The following DDX19B variants were observed in gnomAD, a reference collection of about 807,000 sequenced individuals.
DDX19B encodes the protein DEAD-box helicase 19B, also known as ATP-dependent RNA helicase DDX19B.
DDX19B carries 27 observed loss-of-function variants against 58.1 expected under a neutral mutation model. That is an observed-to-expected ratio of 0.46 (90% CI 0.34 to 0.64). The LOEUF (loss-of-function observed/expected upper bound fraction) is 0.64, where lower values mean the gene tolerates loss of function less well. Among genes scored for constraint, DDX19B ranks in the 30% least tolerant of loss-of-function variants. The pLI, the probability that DDX19B is intolerant of heterozygous loss-of-function variation, is 0.01. For missense variants in DDX19B, 399 were observed against 596.5 expected (o/e 0.67, Z 3.45); for synonymous variants, 187 against 214.4 (o/e 0.87, Z 1.12).
At chr16:70,309,878 C>G (rs1028632756) in intron 1 of DDX19B, among the ~76,000 whole-genome samples, 1 of 149,112 alleles carries the variant, frequency 6.7e-6, no homozygotes, top group East Asian at 2.0e-4. Context: ...CAACAAACCA[C>G]CAATTAAAAC....
At chr16:70,290,391 C>T (rs1489655172), upstream of DDX19B, among the ~76,000 whole-genome samples, 1 of 151,958 alleles carries the variant, frequency 6.6e-6, no homozygotes, top group African/African-American at 2.4e-5. Flanking sequence ...CAAAATTAGC[C>T]GGGCGCGCAT....
rs1307650406 is a variant in DDX19B, at chr16:70,334,530, T to A, written c.*948T>A. 1 of 152,200 alleles carries A rather than the reference T, an allele frequency of 6.6e-6. No homozygotes were observed. The highest frequency in any genetic ancestry group is 2.4e-5 in the African/African-American group (1 of 41,468). The allele number at this position is 152,200 out of a possible 1,614,324, so 9.4% of individuals were successfully genotyped here. A position where few individuals can be genotyped will look rare whatever the true frequency, so the allele number is the denominator to read the frequency against. On this transcript the variant is annotated 3_prime_UTR_variant, in exon 12 of 12. Coordinates refer to ENST00000288071, the MANE Select transcript of DDX19B (RefSeq NM_007242.7). Reference sequence around the variant, plus strand: ...CAGTTCTAGATGTGATCAGCAGTAGTCACAAATTCTTGTTTTGTCTCCACA... The same window carrying A: ...CAGTTCTAGATGTGATCAGCAGTAGACACAAATTCTTGTTTTGTCTCCACA...
intron 11 of DDX19B, 78 bp from the exon 12 acceptor site, chr16:70,333,443 G>T: frequency 6.2e-7 from 1 of 1,611,802 alleles, no homozygotes; most frequent in East Asian, 2.2e-5. Context: ...GAGCCTTTGG[G>T]GCTGAATGAA....
intron 1 of DDX19B, among the ~76,000 whole-genome samples, chr16:70,305,938 T>C (rs1033663794): frequency 6.6e-6 from 1 of 151,930 alleles, no homozygotes; most frequent in Non-Finnish European, 1.5e-5. Flanking sequence ...TTTTTTTGTA[T>C]TTTTTTGGTA....
At chr16:70,294,965 G>C (rs545641931), upstream of DDX19B, 1,522 of 1,456,650 alleles carry the variant, frequency 1.0e-3, 1 homozygote, top group Admixed American at 2.2e-3. Context: ...CCCACGTTTA[G>C]GTGCCTTCCT....
intron 1 of DDX19B, among the ~76,000 whole-genome samples, chr16:70,299,894 G>C (rs1389158420): frequency 6.6e-6 from 1 of 152,104 alleles, no homozygotes; most frequent in African/African-American, 2.4e-5. Context: ...GACCCAGTAG[G>C]TGTGGCAGTC....
At chr16:70,317,291 G>C (rs1962483661) in intron 4 of DDX19B, 1 of 345,100 alleles carries the variant, frequency 2.9e-6, no homozygotes, top group Non-Finnish European at 5.3e-6. Flanking sequence ...TGAGGCACGA[G>C]AATTGCTTGA....
At chr16:70,326,868 C>T (rs1963177119) in intron 7 of DDX19B, among the ~76,000 whole-genome samples, 1 of 144,540 alleles carries the variant, frequency 6.9e-6, no homozygotes, top group African/African-American at 2.6e-5. Flanking sequence ...AGAGTCTCGC[C>T]CTGTCGCCCA....
chr16:70,314,564 T>A (rs1285155210), intron 2 of DDX19B, among the ~76,000 whole-genome samples: 2 of 151,922 alleles, frequency 1.3e-5, no homozygotes, highest in Non-Finnish European at 2.9e-5. Context: ...CTCGGGAGGC[T>A]GAGGCAAGAG....
At chr16:70,300,727 A>C (rs1254397469) in intron 1 of DDX19B, among the ~76,000 whole-genome samples, 1 of 151,238 alleles carries the variant, frequency 6.6e-6, no homozygotes, top group Admixed American at 6.6e-5. Flanking sequence ...ACGAGGTCTC[A>C]CTATATTACC....
At chr16:70,292,209 G>T (rs1485639779), upstream of DDX19B, among the ~76,000 whole-genome samples, 8 of 152,200 alleles carry the variant, frequency 5.3e-5, no homozygotes, top group African/African-American at 1.9e-4. Context: ...GCCCAGGCTG[G>T]AGTGCAATGG....
At position 70,333,779 on chromosome 16, in the gene DDX19B, C is replaced by A; in HGVS notation, c.*197C>A. ...GGGGATGGTAGAAAAAAATTATTTA[C>A]ACAACCTTGGAAGATTAGGCATGAA... On this transcript the variant is annotated 3_prime_UTR_variant, in exon 12 of 12. Coordinates refer to ENST00000288071, the MANE Select transcript of DDX19B (RefSeq NM_007242.7). 1.3e-6 allele frequency: 1 copy of A among 756,496 alleles called. No homozygotes were observed. The highest frequency in any genetic ancestry group is 2.2e-6 in the Non-Finnish European group (1 of 458,768). The allele number at this position is 756,496 out of a possible 1,614,324, so 46.9% of individuals were successfully genotyped here. A position where few individuals can be genotyped will look rare whatever the true frequency, so the allele number is the denominator to read the frequency against.
intron 10 of DDX19B, among the ~76,000 whole-genome samples, chr16:70,332,446 G>A (rs1039040732): frequency 3.9e-5 from 6 of 152,020 alleles, no homozygotes; most frequent in East Asian, 1.9e-4. Context: ...GATTACAGGC[G>A]CCTGCCACCA....
At chr16:70,290,961 T>C (rs1961045626), upstream of DDX19B, among the ~76,000 whole-genome samples, 2 of 152,194 alleles carry the variant, frequency 1.3e-5, no homozygotes, top group African/African-American at 2.4e-5. Context: ...TAAATTGTGC[T>C]GCTGGTCATA....
upstream of DDX19B, among the ~76,000 whole-genome samples, chr16:70,290,978 G>C (rs1333089550): frequency 1.3e-5 from 2 of 152,082 alleles, no homozygotes; most frequent in African/African-American, 2.4e-5. Context: ...CATAACTCAA[G>C]TTACAGACAA....
intron 7 of DDX19B, among the ~76,000 whole-genome samples, chr16:70,326,979 C>T (rs996875385): frequency 1.5e-4 from 23 of 151,712 alleles, no homozygotes; most frequent in Middle Eastern, 3.2e-3. Flanking sequence ...GGACTACAGG[C>T]GCCCACCACT....
chr16:70,293,597 A>ATTTTGT (rs1961113640), upstream of DDX19B, among the ~76,000 whole-genome samples: 1 of 77,024 alleles, frequency 1.3e-5, no homozygotes, highest in African/African-American at 6.3e-5. Context: ...GGATGGCTGA[A>ATTTTGT]TTTTTTTTTT....
At chr16:70,303,843 G>C (rs1433282952) in intron 1 of DDX19B, among the ~76,000 whole-genome samples, 1 of 151,928 alleles carries the variant, frequency 6.6e-6, no homozygotes, top group Non-Finnish European at 1.5e-5. Flanking sequence ...ACAGGCGTGA[G>C]CCACCGCGCC....
intron 1 of DDX19B, among the ~76,000 whole-genome samples, chr16:70,300,982 C>T (rs1346515608): frequency 6.6e-6 from 1 of 152,122 alleles, no homozygotes; most frequent in Admixed American, 6.6e-5. Flanking sequence ...AGTATTCTAT[C>T]AATTCCATTT....
Sources: allele counts gnomAD v4.1 joint callset (sites outside exome capture counted in the v4.1 genomes callset), GRCh38; gene constraint gnomAD v4.1.1; transcripts MANE v1.5; gene names NCBI Gene and HGNC (gene_info 2026-07-23, HGNC 2026-07-21).